The following ZNF704 variants were observed in gnomAD, a reference collection of about 807,000 sequenced individuals.
The protein encoded by ZNF704 is glucocorticoid induced gene 1.
ZNF704 carries 10 observed loss-of-function variants against 44.7 expected under a neutral mutation model. The observed-to-expected ratio is 0.22, with a 90% CI of 0.14 to 0.38. The LOEUF is 0.38. Among genes scored for constraint, ZNF704 ranks in the 10% least tolerant of loss-of-function variants. The probability of loss-of-function intolerance (pLI) is 1.00; values close to 1 mark genes in which losing one functional copy is unlikely to be tolerated. For missense variants in ZNF704, 390 were observed against 545.5 expected, an observed-to-expected ratio of 0.71 and a Z score of 2.84; for synonymous variants, 211 against 207.6, an observed-to-expected ratio of 1.02 and a Z score of -0.14.
At chr8:80,699,437 C>T (rs1212358719) in intron 2 of ZNF704, among the ~76,000 whole-genome samples, 1 of 152,138 alleles carries the variant, frequency 6.6e-6, no homozygotes, top group Non-Finnish European at 1.5e-5. Context: ...AGAAAGCTGC[C>T]TATTGCAATA....
chr8:80,848,340 C>A (rs997143010), intron 1 of ZNF704, among the ~76,000 whole-genome samples: 2 of 152,134 alleles, frequency 1.3e-5, no homozygotes, highest in Admixed American at 1.3e-4. Context: ...TGACTCCACA[C>A]ATGATAATAT....
chr8:80,770,357 A>G (rs887459429), intron 2 of ZNF704, among the ~76,000 whole-genome samples: 5 of 152,088 alleles, frequency 3.3e-5, no homozygotes, highest in African/African-American at 1.2e-4. Context: ...CCTGGTAACC[A>G]TTAATTTGTT....
At chr8:80,690,242 G>A (rs1818610061) in intron 3 of ZNF704, among the ~76,000 whole-genome samples, 1 of 152,178 alleles carries the variant, frequency 6.6e-6, no homozygotes, top group Admixed American at 6.5e-5. Flanking sequence ...GCATTGAAGA[G>A]CCAAAAGGTT....
chr8:80,701,737 TAG>T (rs1171163333), intron 2 of ZNF704, among the ~76,000 whole-genome samples: 1 of 152,078 alleles, frequency 6.6e-6, no homozygotes, highest in Non-Finnish European at 1.5e-5. Context: ...TTAAGTGATG[TAG>T]AGAGATCAAG....
the ZNF704 span, among the ~76,000 whole-genome samples, chr8:80,884,207 G>C: frequency 6.6e-6 from 1 of 152,212 alleles, no homozygotes; most frequent in Non-Finnish European, 1.5e-5. Context: ...TAGATATAAA[G>C]ACTGTCCTTC....
rs1206110048 is a variant in ZNF704, at chr8:80,640,207, T to C, written c.*1159A>G. On this transcript the variant is annotated 3_prime_UTR_variant, in exon 9 of 9. Coordinates refer to ENST00000327835, the MANE Select transcript of ZNF704 (RefSeq NM_001033723.3). ...TTGGACCTTCCATTTACTCACATAATGTTTATATTGTTAATTAACTCATCT... is the reference window on the plus strand; with the variant it reads ...TTGGACCTTCCATTTACTCACATAACGTTTATATTGTTAATTAACTCATCT... 1 of 152,636 alleles carries C rather than the reference T, an allele frequency of 6.6e-6. No homozygotes were observed. The highest frequency in any genetic ancestry group is 6.5e-5 in the Admixed American group (1 of 15,288). 9.5% of individuals were successfully genotyped at this position (152,636 alleles called of 1,614,324 possible). A position where few individuals can be genotyped will look rare whatever the true frequency, so the allele number is the denominator to read the frequency against.
At chr8:80,685,442 C>T (rs1040844387) in intron 4 of ZNF704, among the ~76,000 whole-genome samples, 4 of 152,106 alleles carry the variant, frequency 2.6e-5, no homozygotes, top group Non-Finnish European at 4.4e-5. Flanking sequence ...ATTGAGTGTT[C>T]GAACTACACA....
At chr8:80,706,536 G>C (rs1301763908) in intron 2 of ZNF704, among the ~76,000 whole-genome samples, 2 of 152,186 alleles carry the variant, frequency 1.3e-5, no homozygotes, top group South Asian at 2.1e-4. Context: ...ATTCCTAACA[G>C]AGCCACCCAT....
intron 5 of ZNF704, among the ~76,000 whole-genome samples, chr8:80,665,664 C>T (rs1466516878): frequency 3.3e-5 from 5 of 152,004 alleles, no homozygotes; most frequent in South Asian, 4.2e-4. Flanking sequence ...CTTGTACCCC[C>T]CCATTCAACC....
At chr8:80,687,163 C>CATTAAAAAA in intron 4 of ZNF704, 63 bp downstream of exon 4, 1 of 1,464,870 alleles carries the variant, frequency 6.8e-7, no homozygotes, top group Non-Finnish European at 9.4e-7. Flanking sequence ...ACCGGCCCTT[C>CATTAAAAAA]AGAGGGGACA....
intron 2 of ZNF704, among the ~76,000 whole-genome samples, chr8:80,761,078 C>G (rs1389640660): frequency 6.6e-6 from 1 of 152,054 alleles, no homozygotes; most frequent in Non-Finnish European, 1.5e-5. Context: ...AGACACAGAT[C>G]CAAACTGTAC....
chr8:80,702,454 G>A (rs1818825165), intron 2 of ZNF704, among the ~76,000 whole-genome samples: 1 of 152,204 alleles, frequency 6.6e-6, no homozygotes. Flanking sequence ...TCTGATGGCT[G>A]TGCCAGAAGC....
At chr8:80,804,576 A>G (rs1156538734) in intron 2 of ZNF704, among the ~76,000 whole-genome samples, 1 of 152,230 alleles carries the variant, frequency 6.6e-6, no homozygotes, top group Non-Finnish European at 1.5e-5. Context: ...ATGCAGGAAC[A>G]GAAAACCAGA....
chr8:80,757,351 T>C (rs1302393054), intron 2 of ZNF704, among the ~76,000 whole-genome samples: 1 of 152,124 alleles, frequency 6.6e-6, no homozygotes, highest in Non-Finnish European at 1.5e-5. Flanking sequence ...AATTAAAAAT[T>C]TTAAAAATGG....
intron 2 of ZNF704, among the ~76,000 whole-genome samples, chr8:80,707,259 A>C (rs1818913085): frequency 6.6e-6 from 1 of 152,212 alleles, no homozygotes; most frequent in Non-Finnish European, 1.5e-5. Context: ...GTAATTTCCT[A>C]TAATTGAAAT....
intron 2 of ZNF704, among the ~76,000 whole-genome samples, chr8:80,695,625 T>G (rs1032498721): frequency 6.6e-6 from 1 of 152,180 alleles, no homozygotes; most frequent in South Asian, 2.1e-4. Flanking sequence ...ACACCTAAGG[T>G]GAACATTTTG....
chr8:80,756,019 G>A (rs886103125), intron 2 of ZNF704, among the ~76,000 whole-genome samples: 1 of 151,980 alleles, frequency 6.6e-6, no homozygotes, highest in Admixed American at 6.6e-5. Flanking sequence ...TGAGAAGGAA[G>A]GATGGCTTTA....
chr8:80,727,224 G>A (rs1046892521), intron 2 of ZNF704, among the ~76,000 whole-genome samples: 5 of 152,094 alleles, frequency 3.3e-5, no homozygotes, highest in East Asian at 1.9e-4. Context: ...GTGGGAAATC[G>A]CACACATTTC....
At chr8:80,692,519 A>G (rs1463066896) in intron 3 of ZNF704, among the ~76,000 whole-genome samples, 1 of 152,228 alleles carries the variant, frequency 6.6e-6, no homozygotes, top group East Asian at 1.9e-4. Flanking sequence ...TATTCAATTC[A>G]TCTAGCATGG....
Sources: allele counts gnomAD v4.1 joint callset (sites outside exome capture counted in the v4.1 genomes callset), GRCh38; gene constraint gnomAD v4.1.1; transcripts MANE v1.5; gene names NCBI Gene and HGNC (gene_info 2026-07-23, HGNC 2026-07-21).